The following GRM8 variants were observed in gnomAD, a reference collection of about 807,000 sequenced individuals.
GRM8 encodes the protein metabotropic glutamate receptor 8.
In GRM8, 47 loss-of-function variants were observed where a neutral mutation model predicts 87.2. The ratio of observed to expected loss-of-function variants is 0.54; its 90% CI spans 0.43 to 0.69. The LOEUF is 0.69. Among genes scored for constraint, GRM8 ranks in the 30% least tolerant of loss-of-function variants. The pLI, the probability that GRM8 is intolerant of heterozygous loss-of-function variation, is 0.00. For synonymous variants in GRM8, 396 were observed against 404.5 expected, an observed-to-expected ratio of 0.98 and a Z score of 0.25; for missense variants, 1,019 against 1,139.2, an observed-to-expected ratio of 0.89 and a Z score of 1.52.
chr7:126,664,931 AC>A (rs1193303154), intron 7 of GRM8, among the ~76,000 whole-genome samples: 1 of 152,274 alleles, frequency 6.6e-6, no homozygotes. Flanking sequence ...AATTGTAAAA[AC>A]CAATAACTCC....
intron 2 of GRM8, among the ~76,000 whole-genome samples, chr7:127,222,706 A>G (rs1797015177): frequency 6.6e-6 from 1 of 152,170 alleles, no homozygotes. Flanking sequence ...AGTGCCCAAT[A>G]TGTTCCAGGC....
At chr7:126,978,322 A>T (rs924201235) in intron 3 of GRM8, among the ~76,000 whole-genome samples, 2 of 152,200 alleles carry the variant, frequency 1.3e-5, no homozygotes, top group Non-Finnish European at 2.9e-5. Flanking sequence ...GTACTGCAAT[A>T]CAAGCATGGA....
intron 2 of GRM8, among the ~76,000 whole-genome samples, chr7:127,241,323 G>T (rs907523580): frequency 6.6e-6 from 1 of 151,926 alleles, no homozygotes; most frequent in Non-Finnish European, 1.5e-5. Context: ...TTCATCTTTT[G>T]TGTGACATTT....
chr7:126,455,568 T>G (rs1305620394), intron 9 of GRM8, among the ~76,000 whole-genome samples: 2 of 151,832 alleles, frequency 1.3e-5, no homozygotes, highest in Admixed American at 1.3e-4. Flanking sequence ...AGAACAGCTC[T>G]GGCTTTCTTA....
chr7:127,095,346 G>C (rs879378502), intron 3 of GRM8, among the ~76,000 whole-genome samples: 8 of 152,138 alleles, frequency 5.3e-5, no homozygotes, highest in Non-Finnish European at 7.4e-5. Context: ...CCCAGGAACT[G>C]AACAAAATTA....
intron 3 of GRM8, among the ~76,000 whole-genome samples, chr7:127,060,804 C>T (rs1261060866): frequency 9.6e-6 from 1 of 103,798 alleles, no homozygotes; most frequent in East Asian, 2.1e-4. Flanking sequence ...GCAACAGATG[C>T]ATGTAGCAAA....
intron 2 of GRM8, among the ~76,000 whole-genome samples, chr7:127,209,943 A>G (rs1177920000): frequency 6.6e-6 from 1 of 152,064 alleles, no homozygotes; most frequent in Non-Finnish European, 1.5e-5. Context: ...ACAACATATA[A>G]TTCACCCACT....
chr7:127,075,374 C>A (rs1822147552), intron 3 of GRM8, among the ~76,000 whole-genome samples: 2 of 152,142 alleles, frequency 1.3e-5, no homozygotes, highest in South Asian at 4.1e-4. Flanking sequence ...TGGCTATATT[C>A]ATAGTTTAGT....
At chr7:126,606,947 G>T (rs1161401925) in intron 8 of GRM8, among the ~76,000 whole-genome samples, 1 of 152,202 alleles carries the variant, frequency 6.6e-6, no homozygotes. Context: ...GGTGTTGTAT[G>T]TTAGTGTATA....
intron 3 of GRM8, among the ~76,000 whole-genome samples, chr7:126,985,914 A>G (rs1165953186): frequency 1.3e-5 from 2 of 152,238 alleles, no homozygotes; most frequent in Non-Finnish European, 1.5e-5. Flanking sequence ...CAGTAACTGA[A>G]GCAGAACTAC....
chr7:126,880,636 A>G (rs186109072), intron 6 of GRM8, among the ~76,000 whole-genome samples: 2 of 152,262 alleles, frequency 1.3e-5, no homozygotes, highest in Non-Finnish European at 2.9e-5. Flanking sequence ...AAGCAAATGC[A>G]TCACATGGGC....
At chr7:126,525,264 T>C (rs190311215) in intron 9 of GRM8, among the ~76,000 whole-genome samples, 3 of 152,274 alleles carry the variant, frequency 2.0e-5, no homozygotes, top group Admixed American at 2.0e-4. Flanking sequence ...GTTCTAAGAG[T>C]TGAGAAACTT....
intron 2 of GRM8, among the ~76,000 whole-genome samples, chr7:127,191,828 AT>A (rs1332039297): frequency 6.6e-6 from 1 of 152,174 alleles, no homozygotes; most frequent in Non-Finnish European, 1.5e-5. Flanking sequence ...ACTGTGAAGA[AT>A]TTCTGACAAG....
intron 6 of GRM8, among the ~76,000 whole-genome samples, chr7:126,785,047 A>G (rs138121206): frequency 6.6e-6 from 1 of 152,238 alleles, no homozygotes; most frequent in Non-Finnish European, 1.5e-5. Flanking sequence ...ATATGAGGTG[A>G]CTTTTCCAGG....
At position 126,819,835 on chromosome 7, in the gene GRM8, G is replaced by A. The variant is rs372173611; in HGVS notation, c.1157-49770C>T. Among the ~76,000 whole-genome samples the A allele has an allele frequency of 6.5e-4, 99 of 151,252 alleles. 4 individuals carry two copies. In the South Asian group the frequency reaches 0.018, roughly 28 times the overall value. On this transcript the variant is annotated intron_variant, in intron 6 of 10. Transcript: ENST00000339582. ...AAAAGACCTTTCTAAGCATGAATCC[G>A]AAGGCAACCATCAATAAAAAGAAAG...
At chr7:126,491,017 T>C (rs1046415905) in intron 9 of GRM8, among the ~76,000 whole-genome samples, 1 of 152,086 alleles carries the variant, frequency 6.6e-6, no homozygotes, top group Non-Finnish European at 1.5e-5. Flanking sequence ...TTGTCAATAA[T>C]AGCCAAAATG....
At chr7:127,194,195 T>C (rs1795167950) in intron 2 of GRM8, among the ~76,000 whole-genome samples, 1 of 152,206 alleles carries the variant, frequency 6.6e-6, no homozygotes, top group Admixed American at 6.5e-5. Flanking sequence ...CAGTAGAGGA[T>C]GATAGAAAAA....
intron 6 of GRM8, among the ~76,000 whole-genome samples, chr7:126,841,717 T>C (rs1796283394): frequency 6.6e-6 from 1 of 151,696 alleles, no homozygotes; most frequent in South Asian, 2.1e-4. Flanking sequence ...AAGCTCCGCC[T>C]CCCGGATTCA....
chr7:127,226,387 G>C (rs955320237), intron 2 of GRM8, among the ~76,000 whole-genome samples: 5 of 152,082 alleles, frequency 3.3e-5, no homozygotes, highest in African/African-American at 4.8e-5. Flanking sequence ...TTTTTTCCCA[G>C]GAAATCTACT....
Sources: gnomAD v4.1 joint callset for allele counts (sites outside exome capture counted in the v4.1 genomes callset) on GRCh38, gnomAD v4.1.1 for gene constraint, MANE v1.5 for transcripts, NCBI Gene and HGNC (gene_info 2026-07-23, HGNC 2026-07-21) for gene names.